Variants in C1QTNF7 observed in about 807,000 individuals in gnomAD.
The protein encoded by C1QTNF7 is complement C1q tumor necrosis factor-related protein 7.
Under a neutral mutation model 19.6 loss-of-function variants are expected in C1QTNF7, and 15 were observed. The ratio of observed to expected loss-of-function variants is 0.76; its 90% CI spans 0.51 to 1.18. The LOEUF is 1.18. C1QTNF7 is among the 50% of genes most tolerant of loss of function. C1QTNF7 has a pLI of 0.00. For missense variants in C1QTNF7, 324 were observed against 359.7 expected (o/e 0.90, Z 0.80); for synonymous variants, 142 against 137.5 (o/e 1.03, Z -0.23).
chr4:15,353,322 G>A (rs10003738), intron 1 of C1QTNF7, among the ~76,000 whole-genome samples: 71,540 of 152,016 alleles, frequency 0.47, 18,094 homozygotes, highest in African/African-American at 0.65. Context: ...ATCACGTTGG[G>A]TAAGACCATA....
At chr4:15,371,080 CT>C (rs955461754) in intron 1 of C1QTNF7, among the ~76,000 whole-genome samples, 20 of 152,342 alleles carry the variant, frequency 1.3e-4, no homozygotes, top group African/African-American at 4.8e-4. Flanking sequence ...TCAGCTCTTT[CT>C]AGGAAGAGAC....
chr4:15,399,655 T>A (rs181781728), intron 1 of C1QTNF7, among the ~76,000 whole-genome samples: 4 of 152,346 alleles, frequency 2.6e-5, no homozygotes, highest in Admixed American at 1.3e-4. Context: ...TGTAGCTAAT[T>A]TCATAAAACA....
chr4:15,371,917 T>C (rs1306101960), intron 1 of C1QTNF7, among the ~76,000 whole-genome samples: 3 of 151,370 alleles, frequency 2.0e-5, no homozygotes, highest in African/African-American at 7.3e-5. Flanking sequence ...GGCAACTCAA[T>C]AGGAAAGAGT....
At chr4:15,408,781 T>G (rs1719297442) in intron 1 of C1QTNF7, among the ~76,000 whole-genome samples, 1 of 152,148 alleles carries the variant, frequency 6.6e-6, no homozygotes, top group Non-Finnish European at 1.5e-5. Context: ...AGCTGCTCAT[T>G]GGTGGAGAGG....
At chr4:15,389,406 G>A (rs1718469514) in intron 1 of C1QTNF7, among the ~76,000 whole-genome samples, 1 of 152,018 alleles carries the variant, frequency 6.6e-6, no homozygotes, top group African/African-American at 2.4e-5. Flanking sequence ...GATGATTGGA[G>A]GTAGGAAAAT....
intron 1 of C1QTNF7, among the ~76,000 whole-genome samples, chr4:15,344,484 T>G (rs929152428): frequency 5.9e-5 from 9 of 152,156 alleles, no homozygotes; most frequent in Non-Finnish European, 1.0e-4. Flanking sequence ...TCTTTCAAAA[T>G]GACAACCCTC....
At chr4:15,366,304 GA>G (rs1427814622) in intron 1 of C1QTNF7, among the ~76,000 whole-genome samples, 8 of 152,130 alleles carry the variant, frequency 5.3e-5, no homozygotes, top group Admixed American at 3.3e-4. Flanking sequence ...TCAATCCCAG[GA>G]AAATTAGGAT....
At chr4:15,373,320 C>T (rs1394703651) in intron 1 of C1QTNF7, among the ~76,000 whole-genome samples, 2 of 152,184 alleles carry the variant, frequency 1.3e-5, no homozygotes, top group African/African-American at 2.4e-5. Flanking sequence ...TCATGAATCC[C>T]ATTCACGAGA....
intron 1 of C1QTNF7, among the ~76,000 whole-genome samples, chr4:15,363,718 G>A (rs1042400981): frequency 3.9e-5 from 6 of 152,138 alleles, no homozygotes. Context: ...ATGAACATTG[G>A]AAAGTAACTA....
intron 1 of C1QTNF7, among the ~76,000 whole-genome samples, chr4:15,348,242 T>A (rs2109284074): frequency 6.6e-6 from 1 of 152,072 alleles, no homozygotes; most frequent in South Asian, 2.1e-4. Context: ...GTGAATGGAG[T>A]TGCATGTGGG....
chr4:15,435,729 C>G lies in C1QTNF7; in HGVS notation c.-8-7C>G, dbSNP rs768494606. On this transcript the variant is annotated splice_region_variant and splice_polypyrimidine_tract_variant and intron_variant, in intron 1 of 2. Coordinates refer to ENST00000444304, the MANE Select transcript of C1QTNF7 (RefSeq NM_031911.5). ...AGTTCATTTACGTCTGTGTGTTTCT[C>G]TTCCAGAGCCAAAGATGTTTGTCTT... 1.2e-6 allele frequency: 2 copies of G among 1,614,112 alleles called. No individual in the cohort carries two copies. Among genetic ancestry groups the G allele is most frequent in the Non-Finnish European group, 8.5e-7 (1 of 1,179,972 alleles).
chr4:15,404,036 G>C lies in C1QTNF7; in HGVS notation c.14-31700G>C, dbSNP rs571495101. ...CTAATAATGTACTTATTGTTTTGCA[G>C]CTCTTTACAATGAATCTATTTTAGG... is the stretch of plus-strand genomic sequence containing the variant. On this transcript the variant is annotated intron_variant, in intron 1 of 2. Transcript: ENST00000295297. Among the ~76,000 whole-genome samples, 28 of 152,162 alleles carry C rather than the reference G, an allele frequency of 1.8e-4. No homozygotes were observed. The Middle Eastern group carries it at 0.01, about 55-fold the overall frequency.
At position 15,443,030 on chromosome 4, in the gene C1QTNF7, T is replaced by C. The variant is rs1712850326; in HGVS notation, c.*231T>C. 2.8e-6 allele frequency: 1 copy of C among 360,396 alleles called. No homozygotes were observed. Among genetic ancestry groups the C allele is most frequent in the South Asian group, 9.1e-5 (1 of 10,982 alleles). The allele number at this position is 360,396 out of a possible 1,614,324, so 22.3% of individuals were successfully genotyped here. A position where few individuals can be genotyped will look rare whatever the true frequency, so the allele number is the denominator to read the frequency against. On this transcript the variant is annotated 3_prime_UTR_variant, in exon 3 of 3. Coordinates refer to ENST00000444304, the MANE Select transcript of C1QTNF7 (RefSeq NM_031911.5). ...TAAATTCTCTTGAAAGCAATGTTCATAAATATTTAAGCAAATTAAAGACAA... is the reference window on the plus strand; with the variant it reads ...TAAATTCTCTTGAAAGCAATGTTCACAAATATTTAAGCAAATTAAAGACAA...
intron 1 of C1QTNF7, among the ~76,000 whole-genome samples, chr4:15,384,158 T>C: frequency 6.6e-6 from 1 of 152,156 alleles, no homozygotes; most frequent in East Asian, 1.9e-4. Flanking sequence ...TATGATAATG[T>C]TTTTCTCTAG....
intron 1 of C1QTNF7, among the ~76,000 whole-genome samples, chr4:15,341,299 G>A (rs1364331721): frequency 6.6e-6 from 1 of 152,202 alleles, no homozygotes; most frequent in Non-Finnish European, 1.5e-5. Flanking sequence ...GCCTGGGTGA[G>A]CAATTTGAGG....
chr4:15,382,374 G>A, intron 1 of C1QTNF7, among the ~76,000 whole-genome samples: 1 of 150,558 alleles, frequency 6.6e-6, no homozygotes, highest in Non-Finnish European at 1.5e-5. Flanking sequence ...CTATTCATTA[G>A]CCAAAAACTC....
At chr4:15,371,205 T>TCCTCAAGCTGCCTCTCTCCACATTAACAA (rs1717710441) in intron 1 of C1QTNF7, among the ~76,000 whole-genome samples, 1 of 152,232 alleles carries the variant, frequency 6.6e-6, no homozygotes, top group Non-Finnish European at 1.5e-5. Context: ...CAAGATCCGC[T>TCCTCAAGCTGCCTCTCTCCACATTAACAA]CCTCAAGCTG....
chr4:15,358,080 T>C (rs1717206978), intron 1 of C1QTNF7: 1 of 152,230 alleles, frequency 6.6e-6, no homozygotes, highest in Non-Finnish European at 1.5e-5. Flanking sequence ...TTTATTTCTT[T>C]CTGTTGCCTG....
chr4:15,341,310 G>T (rs1716528393), intron 1 of C1QTNF7, among the ~76,000 whole-genome samples: 1 of 152,166 alleles, frequency 6.6e-6, no homozygotes, highest in South Asian at 2.1e-4. Context: ...CAATTTGAGG[G>T]CCGCCTGGGA....
Sources: gnomAD v4.1 joint callset for allele counts (sites outside exome capture counted in the v4.1 genomes callset) on GRCh38, gnomAD v4.1.1 for gene constraint, MANE v1.5 for transcripts, NCBI Gene and HGNC (gene_info 2026-07-23, HGNC 2026-07-21) for gene names.